BRINP2: variants seen among roughly 807,000 people sequenced by gnomAD.
The protein encoded by BRINP2 is BMP/retinoic acid-inducible neural-specific protein 2.
In BRINP2, 21 loss-of-function variants were observed where a neutral mutation model predicts 69.2. That is an observed-to-expected ratio of 0.30 (90% confidence interval 0.22 to 0.44). BRINP2 has a LOEUF of 0.44. BRINP2 is among the 20% of genes least tolerant of loss of function. The probability of loss-of-function intolerance (pLI) is 1.00; values close to 1 mark genes in which losing one functional copy is unlikely to be tolerated. For synonymous variants in BRINP2, 380 were observed against 394.1 expected (o/e 0.96, Z 0.42); for missense variants, 877 against 986.0 (o/e 0.89, Z 1.48).
Position 177,281,762 on chromosome 1 carries a change from A to C in BRINP2, c.*234A>C. 1 of 420,204 alleles carries C rather than the reference A, an allele frequency of 2.4e-6. No homozygotes were observed. Among genetic ancestry groups the C allele is most frequent in the Non-Finnish European group, 4.2e-6 (1 of 240,682 alleles). The allele number at this position is 420,204 out of a possible 1,614,324, so 26.0% of individuals were successfully genotyped here. On this transcript the variant is annotated 3_prime_UTR_variant, in exon 8 of 8. Coordinates refer to ENST00000361539, the MANE Select transcript of BRINP2 (RefSeq NM_021165.4). Reference sequence around the variant, plus strand: ...CACTGGCACAGGGAGGCTACAACTAAGCAGCCTCAGATCTGTAAAGTTGAT... The same window carrying C: ...CACTGGCACAGGGAGGCTACAACTACGCAGCCTCAGATCTGTAAAGTTGAT...
At chr1:177,205,472 G>A (rs1649046511) in intron 1 of BRINP2, among the ~76,000 whole-genome samples, 1 of 152,156 alleles carries the variant, frequency 6.6e-6, no homozygotes, top group South Asian at 2.1e-4. Context: ...AATTTCAGTT[G>A]AGGAATAAGA....
At chr1:177,199,891 C>T (rs1490090714) in intron 1 of BRINP2, among the ~76,000 whole-genome samples, 5 of 152,126 alleles carry the variant, frequency 3.3e-5, no homozygotes, top group Non-Finnish European at 5.9e-5. Flanking sequence ...CCACTTTGCA[C>T]CATCTTCACA....
chr1:177,267,609 A>T (rs1651169092), intron 4 of BRINP2, among the ~76,000 whole-genome samples: 2 of 151,886 alleles, frequency 1.3e-5, no homozygotes. Flanking sequence ...CACCTTGTAA[A>T]TTTTTTCTTT....
chr1:177,275,263 A>T, intron 5 of BRINP2: 1 of 456,218 alleles, frequency 2.2e-6, no homozygotes, highest in East Asian at 6.9e-5. Flanking sequence ...TAGTTACTGC[A>T]GTTGGGTGAG....
chr1:177,229,722 C>A, intron 1 of BRINP2, 79 bp from the exon 2 acceptor site: 1 of 1,056,056 alleles, frequency 9.5e-7, no homozygotes, highest in Non-Finnish European at 1.3e-6. Context: ...GGAATGGGCC[C>A]AACCCAATTA....
intron 1 of BRINP2, among the ~76,000 whole-genome samples, chr1:177,173,368 G>A (rs1647996054): frequency 6.6e-6 from 1 of 152,256 alleles, no homozygotes; most frequent in African/African-American, 2.4e-5. Context: ...TCACACCATA[G>A]TCTCCCCTTC....
intron 1 of BRINP2, among the ~76,000 whole-genome samples, chr1:177,209,735 T>A (rs1269228297): frequency 2.6e-5 from 4 of 151,976 alleles, no homozygotes; most frequent in Non-Finnish European, 5.9e-5. Context: ...CACTCAGGTC[T>A]CACTCAGAGT....
At chr1:177,228,141 T>C (rs1475640929) in intron 1 of BRINP2, among the ~76,000 whole-genome samples, 1 of 152,208 alleles carries the variant, frequency 6.6e-6, no homozygotes, top group Non-Finnish European at 1.5e-5. Flanking sequence ...TAACAAACTT[T>C]CTGTGAGAAC....
intron 1 of BRINP2, among the ~76,000 whole-genome samples, chr1:177,197,368 C>T (rs549916542): frequency 1.3e-5 from 2 of 152,084 alleles, no homozygotes; most frequent in African/African-American, 2.4e-5. Context: ...ATGAAGGAGC[C>T]GCCTGTATGA....
At chr1:177,249,680 T>TA (rs551624962) in intron 2 of BRINP2, among the ~76,000 whole-genome samples, 13 of 152,110 alleles carry the variant, frequency 8.5e-5, no homozygotes, top group African/African-American at 2.4e-4. Context: ...TTTCTTAGTT[T>TA]AAAAAAAAGA....
At chr1:177,215,857 T>A (rs1649360866) in intron 1 of BRINP2, among the ~76,000 whole-genome samples, 1 of 152,130 alleles carries the variant, frequency 6.6e-6, no homozygotes, top group Non-Finnish European at 1.5e-5. Context: ...TGTTATATCC[T>A]CTTAATGAAT....
At chr1:177,277,524 A>T (rs958459033) in intron 6 of BRINP2, among the ~76,000 whole-genome samples, 16 of 151,548 alleles carry the variant, frequency 1.1e-4, no homozygotes, top group Non-Finnish European at 2.1e-4. Context: ...TGTTTTACCT[A>T]TGCACATACT....
chr1:177,243,063 A>G (rs1650256180), intron 2 of BRINP2, among the ~76,000 whole-genome samples: 1 of 152,200 alleles, frequency 6.6e-6, no homozygotes. Context: ...CTGAAAAAAA[A>G]GATTTGGTTT....
intron 2 of BRINP2, among the ~76,000 whole-genome samples, chr1:177,255,563 G>A (rs1650729234): frequency 6.6e-6 from 1 of 152,218 alleles, no homozygotes; most frequent in South Asian, 2.1e-4. Context: ...AGACAACTGT[G>A]ATTAGATCAC....
chr1:177,204,603 C>G (rs1399881755), intron 1 of BRINP2, among the ~76,000 whole-genome samples: 2 of 152,158 alleles, frequency 1.3e-5, no homozygotes, highest in East Asian at 3.9e-4. Context: ...GCCCGGCTCT[C>G]TCTCTAATAA....
intron 1 of BRINP2, among the ~76,000 whole-genome samples, chr1:177,211,506 T>A (rs1649221613): frequency 1.3e-5 from 2 of 152,226 alleles, no homozygotes; most frequent in African/African-American, 4.8e-5. Flanking sequence ...TACTTTGACC[T>A]TCATGACCTT....
At chr1:177,240,859 C>T (rs1185413965) in intron 2 of BRINP2, among the ~76,000 whole-genome samples, 1 of 152,158 alleles carries the variant, frequency 6.6e-6, no homozygotes. Context: ...TAGAAGGAAA[C>T]TTAACATCAC....
intron 1 of BRINP2, among the ~76,000 whole-genome samples, chr1:177,212,283 C>T (rs1213945363): frequency 1.3e-5 from 2 of 152,258 alleles, no homozygotes; most frequent in South Asian, 2.1e-4. Context: ...CGGTGGCTCA[C>T]GCCTGTAATC....
chr1:177,210,912 TTAAA>T (rs1430716951), intron 1 of BRINP2, among the ~76,000 whole-genome samples: 3 of 150,756 alleles, frequency 2.0e-5, no homozygotes, highest in Non-Finnish European at 4.4e-5. Flanking sequence ...TTGGATTAGG[TTAAA>T]TAAAATATTA....
Sources: gnomAD v4.1 joint callset for allele counts (sites outside exome capture counted in the v4.1 genomes callset) on GRCh38, gnomAD v4.1.1 for gene constraint, MANE v1.5 for transcripts, NCBI Gene and HGNC (gene_info 2026-07-23, HGNC 2026-07-21) for gene names.